DPP6: variants seen among roughly 807,000 people sequenced by gnomAD.
DPP6 encodes A-type potassium channel modulatory protein DPP6.
A neutral mutation model predicts 122.6 loss-of-function variants in DPP6; 69 were observed. The ratio of observed to expected loss-of-function variants is 0.56; its 90% CI spans 0.46 to 0.69. DPP6 has a LOEUF of 0.69. Among genes scored for constraint, DPP6 ranks in the 30% least tolerant of loss-of-function variants. The pLI, the probability that DPP6 is intolerant of heterozygous loss-of-function variation, is 0.00. For synonymous variants in DPP6, 418 were observed against 433.1 expected, an observed-to-expected ratio of 0.97 and a Z score of 0.43; for missense variants, 928 against 1,116.9, an observed-to-expected ratio of 0.83 and a Z score of 2.41.
At chr7:154,026,560 G>A (rs1472269284) in intron 1 of DPP6, 1 of 152,180 alleles carries the variant, frequency 6.6e-6, no homozygotes. Flanking sequence ...TGGACATTAA[G>A]CTGGAATGAA....
intron 17 of DPP6, among the ~76,000 whole-genome samples, chr7:154,856,612 G>T (rs1022513372): frequency 1.3e-5 from 2 of 152,214 alleles, no homozygotes; most frequent in Admixed American, 6.5e-5. Context: ...TGTTAACTCT[G>T]CTGGGAAACA....
chr7:154,655,529 T>C (rs1357936124), intron 6 of DPP6, among the ~76,000 whole-genome samples: 1 of 152,086 alleles, frequency 6.6e-6, no homozygotes, highest in Non-Finnish European at 1.5e-5. Context: ...GAAAGAAAAG[T>C]GAAGGAGGGC....
chr7:153,766,893 G>A, the DPP6 span, among the ~76,000 whole-genome samples: 1 of 151,978 alleles, frequency 6.6e-6, no homozygotes, highest in Non-Finnish European at 1.5e-5. Context: ...TCTCTTTAAG[G>A]TATACCATCC....
intron 1 of DPP6, among the ~76,000 whole-genome samples, chr7:154,315,905 T>C (rs1425645108): frequency 6.6e-6 from 1 of 152,160 alleles, no homozygotes; most frequent in Admixed American, 6.5e-5. Context: ...TTGACACACA[T>C]ATATAAGCTT....
intron 1 of DPP6, among the ~76,000 whole-genome samples, chr7:154,372,092 C>T (rs1012403252): frequency 1.3e-5 from 2 of 151,952 alleles, no homozygotes; most frequent in African/African-American, 4.8e-5. Context: ...TGGGGAGAGC[C>T]TCAATCAGAG....
intron 18 of DPP6, among the ~76,000 whole-genome samples, chr7:154,870,466 C>T (rs983283488): frequency 3.3e-5 from 5 of 151,442 alleles, no homozygotes; most frequent in Non-Finnish European, 5.9e-5. Context: ...ATTAGCCAGG[C>T]GTGATGGCAT....
chr7:154,539,586 C>T (rs1009621213), intron 3 of DPP6, among the ~76,000 whole-genome samples: 5 of 150,386 alleles, frequency 3.3e-5, no homozygotes, highest in African/African-American at 1.2e-4. Flanking sequence ...ACATATGTAA[C>T]AAACCTGCAT....
chr7:154,578,846 G>A (rs1227375041), intron 5 of DPP6, among the ~76,000 whole-genome samples: 3 of 151,856 alleles, frequency 2.0e-5, no homozygotes, highest in Admixed American at 6.6e-5. Context: ...AGGGGAGGAG[G>A]AACATGCAGG....
intron 5 of DPP6, among the ~76,000 whole-genome samples, chr7:154,574,818 T>A (rs1373026365): frequency 0.013 from 1,473 of 112,050 alleles, 14 homozygotes; most frequent in Non-Finnish European, 0.019. Context: ...GTGTGATGTG[T>A]TTGTGTGGTG....
chr7:154,553,524 A>G (rs1829786077), intron 4 of DPP6, among the ~76,000 whole-genome samples: 1 of 152,196 alleles, frequency 6.6e-6, no homozygotes, highest in Non-Finnish European at 1.5e-5. Context: ...ATCTTACTTA[A>G]CCAAAATCCT....
At chr7:154,181,852 G>A (rs1798105409) in intron 1 of DPP6, among the ~76,000 whole-genome samples, 1 of 150,982 alleles carries the variant, frequency 6.6e-6, no homozygotes, top group African/African-American at 2.4e-5. Context: ...CTGTTCAAGT[G>A]ATTCTCCTGC....
intron 1 of DPP6, among the ~76,000 whole-genome samples, chr7:154,362,782 T>C (rs1190488225): frequency 6.6e-6 from 1 of 152,028 alleles, no homozygotes; most frequent in Non-Finnish European, 1.5e-5. Flanking sequence ...TGCACTCTCT[T>C]TGCACCCCAT....
In DPP6 at chr7:154,456,853, T is replaced by C. The variant is rs1387275011; in HGVS notation, c.358+10525T>C. ...ATGGGGTTTTCTAGATAAACAATCA[T>C]GTCGTCTGCAAACAGGGACAATTTG... On this transcript the variant is annotated intron_variant, in intron 2 of 25. Coordinates refer to ENST00000377770, the MANE Select transcript of DPP6 (RefSeq NM_130797.4). Among the ~76,000 whole-genome samples, 8 of 43,512 alleles carry C rather than the reference T, an allele frequency of 1.8e-4. 3 individuals carry two copies. The allele number at this position is 43,512 out of a possible 152,430, so 28.5% of individuals were successfully genotyped here.
intron 21 of DPP6, among the ~76,000 whole-genome samples, chr7:154,881,613 CT>C (rs1278288547): frequency 6.6e-6 from 1 of 152,206 alleles, no homozygotes; most frequent in Non-Finnish European, 1.5e-5. Flanking sequence ...AGCACAGGCC[CT>C]GCAGAGGAGG....
rs1007022687 is a variant in DPP6, at chr7:154,649,081, C to A, written c.680+11208C>A. ...ACCCAGGCGAGCGCTGCCATGCCATCTATCCCACACTTTTGCCTTTTGCCT... is the reference window on the plus strand; with the variant it reads ...ACCCAGGCGAGCGCTGCCATGCCATATATCCCACACTTTTGCCTTTTGCCT... On this transcript the variant is annotated intron_variant, in intron 6 of 25. Transcript: ENST00000377770. Among the ~76,000 whole-genome samples the A allele has an allele frequency of 3.3e-5, 5 of 152,272 alleles. No homozygotes were observed. The South Asian group carries it at 6.2e-4, about 19-fold the overall frequency.
chr7:154,050,189 A>T (rs1457737751), upstream of DPP6, among the ~76,000 whole-genome samples: 4 of 152,134 alleles, frequency 2.6e-5, no homozygotes, highest in African/African-American at 7.2e-5. Flanking sequence ...TGGTGATTTC[A>T]TTTTATAATT....
chr7:154,552,857 G>A (rs1563843540), intron 4 of DPP6, among the ~76,000 whole-genome samples: 1 of 152,204 alleles, frequency 6.6e-6, no homozygotes, highest in Non-Finnish European at 1.5e-5. Flanking sequence ...AGGCTGAAAT[G>A]TCTGTATGCA....
chr7:154,653,682 T>C (rs1390725167), intron 6 of DPP6, among the ~76,000 whole-genome samples: 1 of 152,126 alleles, frequency 6.6e-6, no homozygotes, highest in African/African-American at 2.4e-5. Context: ...CTTCACAGAG[T>C]GGCACAAGCA....
intron 5 of DPP6, among the ~76,000 whole-genome samples, chr7:154,583,225 A>G (rs1049707888): frequency 1.3e-5 from 2 of 152,206 alleles, no homozygotes; most frequent in African/African-American, 4.8e-5. Flanking sequence ...TGTATCTCAG[A>G]GTTCTGGAGG....
Sources: allele counts gnomAD v4.1 joint callset (sites outside exome capture counted in the v4.1 genomes callset), GRCh38; gene constraint gnomAD v4.1.1; transcripts MANE v1.5; gene names NCBI Gene and HGNC (gene_info 2026-07-23, HGNC 2026-07-21).